EDDM13: variants seen among roughly 807,000 people sequenced by gnomAD.
EDDM13 encodes epididymal protein 13.
EDDM13 carries 24 observed loss-of-function variants against 17.8 expected under a neutral mutation model. That is an observed-to-expected ratio of 1.35 (90% CI 0.98 to 1.90). The LOEUF is 1.90. Ranked by LOEUF, EDDM13 falls within the 40% of genes most tolerant of loss-of-function variation. The pLI, the probability that EDDM13 is intolerant of heterozygous loss-of-function variation, is 0.00. For missense variants in EDDM13, 97 were observed against 100.8 expected (o/e 0.96, Z 0.16); for synonymous variants, 31 against 37.5 (o/e 0.83, Z 0.63).
At chr19:56,294,310 G>A (rs1266799225) in intron 9 of EDDM13, among the ~76,000 whole-genome samples, 2 of 152,212 alleles carry the variant, frequency 1.3e-5, no homozygotes, top group Non-Finnish European at 2.9e-5. Flanking sequence ...CAAGTGGTTC[G>A]GTGGAGACAG....
chr19:56,302,979 AG>A (rs2040445422), intron 13 of EDDM13: 2 of 397,706 alleles, frequency 5.0e-6, no homozygotes, highest in Admixed American at 8.8e-5. Flanking sequence ...GCACTTCATG[AG>A]CAGGTGCTAG....
At chr19:56,302,624 TCCCTCCTCCTCCCTTCCTTTTCTTCCCC>T (rs1296256655) in intron 13 of EDDM13, among the ~76,000 whole-genome samples, 13 of 109,090 alleles carry the variant, frequency 1.2e-4, no homozygotes, top group African/African-American at 4.7e-4. Flanking sequence ...TCTTCCTCCC[TCCCTCCTCCTCCCTTCCTTTTCTTCCCC>T]CCCTCCCTGT....
At chr19:56,279,234 T>G (rs1247781310) in intron 2 of EDDM13, among the ~76,000 whole-genome samples, 3 of 152,146 alleles carry the variant, frequency 2.0e-5, no homozygotes, top group African/African-American at 7.2e-5. Flanking sequence ...CTTTGGATGA[T>G]ACTTCGAGAA....
intron 11 of EDDM13, among the ~76,000 whole-genome samples, 168 bp from the exon 12 acceptor site, chr19:56,297,332 GTTTCT>G (rs988704829): frequency 3.3e-5 from 5 of 151,820 alleles, no homozygotes; most frequent in African/African-American, 1.2e-4. Context: ...TCACCTGATG[GTTTCT>G]TTTCTTTTCC....
At chr19:56,302,543 C>CTCCCTCCCCCCTTCCTTT (rs1568726099) in intron 13 of EDDM13, among the ~76,000 whole-genome samples, 1 of 52,782 alleles carries the variant, frequency 1.9e-5, no homozygotes, top group Non-Finnish European at 4.3e-5. Flanking sequence ...TTCTTCCTCC[C>CTCCCTCCCCCCTTCCTTT]CGTTCCTCCC....
At chr19:56,306,126 C>T (rs558613146) in intron 14 of EDDM13, among the ~76,000 whole-genome samples, 6 of 152,148 alleles carry the variant, frequency 3.9e-5, no homozygotes, top group Non-Finnish European at 5.9e-5. Flanking sequence ...GAAAGAGACA[C>T]GTCCCAGTGA....
chr19:56,302,071 C>T lies in EDDM13; in HGVS notation c.399C>T (p.Phe133=), dbSNP rs940011720. The T allele has an allele frequency of 4.3e-5, 53 of 1,231,624 alleles. No homozygotes were observed. The highest frequency in any genetic ancestry group is 3.1e-4 in the Middle Eastern group (1 of 3,252). The allele number at this position is 1,231,624 out of a possible 1,614,324, so 76.3% of individuals were successfully genotyped here. Reference sequence around the variant, plus strand: ...CCTACATGGTGATGACCTACCTCTTCGTATCCTACAACAAAGGGGACTGGG... The same window carrying T: ...CCTACATGGTGATGACCTACCTCTTTGTATCCTACAACAAAGGGGACTGGG... ...KCAYMVMTYL[F]VSYNKGDWCY... Residue 133 remains phenylalanine, a synonymous_variant, in exon 13 of 15, where the codon TTC becomes TTT. Transcript: ENST00000649256.
intron 12 of EDDM13, chr19:56,298,331 C>G (rs1422360084): frequency 6.6e-6 from 1 of 151,862 alleles, no homozygotes; most frequent in Non-Finnish European, 1.5e-5. Flanking sequence ...TTACCAAAAA[C>G]AAATGAAATG....
intron 14 of EDDM13, among the ~76,000 whole-genome samples, chr19:56,307,795 G>A (rs956536936): frequency 6.6e-6 from 1 of 152,158 alleles, no homozygotes; most frequent in African/African-American, 2.4e-5. Flanking sequence ...GCTATATTTT[G>A]GGTACACACC....
intron 4 of EDDM13, among the ~76,000 whole-genome samples, 162 bp downstream of exon 4, chr19:56,282,661 G>A (rs1042131864): frequency 2.0e-5 from 3 of 152,094 alleles, no homozygotes; most frequent in African/African-American, 2.4e-5. Flanking sequence ...GTCCTTTGAT[G>A]AACAACAACA....
chr19:56,278,894 C>T (rs990474525), intron 2 of EDDM13, among the ~76,000 whole-genome samples: 1 of 152,202 alleles, frequency 6.6e-6, no homozygotes, highest in Admixed American at 6.5e-5. Context: ...CCTTACTCCA[C>T]CTCTTGGCTT....
chr19:56,301,092 C>G (rs2040198449), intron 12 of EDDM13, among the ~76,000 whole-genome samples: 1 of 152,032 alleles, frequency 6.6e-6, no homozygotes, highest in African/African-American at 2.4e-5. Context: ...ATCAAGACCC[C>G]CAGAGAGGGT....
chr19:56,301,918 G>A (rs1479750252), intron 12 of EDDM13, 50 bp from the exon 13 acceptor site: 57 of 1,231,834 alleles, frequency 4.6e-5, no homozygotes, highest in South Asian at 1.2e-4. Context: ...GAAGCTCTAA[G>A]GCAGGAAGGG....
At chr19:56,303,484 T>G (rs918234754) in intron 13 of EDDM13, among the ~76,000 whole-genome samples, 1 of 64,278 alleles carries the variant, frequency 1.6e-5, no homozygotes, top group Non-Finnish European at 3.1e-5. Context: ...TTAAAGTAAA[T>G]AGAAAAAAAA....
chr19:56,282,171 G>A (rs1412220539), intron 3 of EDDM13, among the ~76,000 whole-genome samples: 1 of 152,152 alleles, frequency 6.6e-6, no homozygotes, highest in Non-Finnish European at 1.5e-5. Context: ...GTTGAGAAGT[G>A]GAGATGACAC....
At chr19:56,292,527 ATCC>A (rs1471885485) in intron 9 of EDDM13, among the ~76,000 whole-genome samples, 1 of 149,980 alleles carries the variant, frequency 6.7e-6, no homozygotes, top group Non-Finnish European at 1.5e-5. Flanking sequence ...GGCTCAAGCA[ATCC>A]TCCTACCTCA....
chr19:56,302,546 TTCCTCCCTCCCTCCCCC>T (rs2040357584), intron 13 of EDDM13, among the ~76,000 whole-genome samples: 1 of 52,038 alleles, frequency 1.9e-5, no homozygotes, highest in African/African-American at 5.7e-5. Flanking sequence ...TTCCTCCCCG[TTCCTCCCTCCCTCCCCC>T]CTTCCTTTTC....
At chr19:56,298,599 G>T (rs2040031650) in intron 12 of EDDM13, among the ~76,000 whole-genome samples, 1 of 151,080 alleles carries the variant, frequency 6.6e-6, no homozygotes, top group East Asian at 1.9e-4. Context: ...GCTGCAGTGA[G>T]CTGAGATCGT....
chr19:56,274,762 GTTTTT>G (rs36109008), intron 1 of EDDM13: 1 of 151,876 alleles, frequency 6.6e-6, no homozygotes, highest in Admixed American at 6.6e-5. Context: ...TTTCAATTAA[GTTTTT>G]TGTTTTGTTT....
Sources: gnomAD v4.1 joint callset for allele counts (sites outside exome capture counted in the v4.1 genomes callset) on GRCh38, gnomAD v4.1.1 for gene constraint, MANE v1.5 for transcripts, NCBI Gene and HGNC (gene_info 2026-07-23, HGNC 2026-07-21) for gene names.